Variants in CDH12 observed in about 807,000 individuals in gnomAD.
CDH12 encodes the protein cadherin-12.
Under a neutral mutation model 74.1 loss-of-function variants are expected in CDH12, and 41 were observed. That is an observed-to-expected ratio of 0.55 (90% CI 0.43 to 0.72). The LOEUF is 0.72. Ranked by LOEUF, CDH12 falls within the 30% of genes least tolerant of loss-of-function variation. The pLI is 0.00. For synonymous variants in CDH12, 399 were observed against 355.0 expected (o/e 1.12, Z -1.39); for missense variants, 945 against 977.2 (o/e 0.97, Z 0.44).
intron 1 of CDH12, among the ~76,000 whole-genome samples, chr5:22,655,648 A>G (rs1178400886): frequency 1.3e-5 from 2 of 152,208 alleles, no homozygotes; most frequent in Admixed American, 6.5e-5. Context: ...CATGATCACC[A>G]TGATCTGCCT....
chr5:22,147,599 A>C, intron 4 of CDH12, among the ~76,000 whole-genome samples: 1 of 151,946 alleles, frequency 6.6e-6, no homozygotes, highest in Non-Finnish European at 1.5e-5. Context: ...TAAAAAAAAA[A>C]AAAAAGAGGT....
intron 1 of CDH12, among the ~76,000 whole-genome samples, chr5:22,775,985 GCCA>G (rs959791015): frequency 6.6e-6 from 1 of 151,996 alleles, no homozygotes; most frequent in Non-Finnish European, 1.5e-5. Context: ...TTCTCTTGCT[GCCA>G]CCATGTAAGA....
At chr5:21,764,082 TTG>T (rs1297519643) in intron 12 of CDH12, among the ~76,000 whole-genome samples, 2 of 152,002 alleles carry the variant, frequency 1.3e-5, no homozygotes, top group Admixed American at 6.6e-5. Flanking sequence ...CTTTAGAAAT[TTG>T]TGTGTGGGGG....
intron 4 of CDH12, among the ~76,000 whole-genome samples, chr5:22,085,988 T>C (rs1029610495): frequency 1.3e-5 from 2 of 152,208 alleles, no homozygotes; most frequent in African/African-American, 4.8e-5. Flanking sequence ...GAAAACATGG[T>C]ACTTTTTGAA....
intron 1 of CDH12, among the ~76,000 whole-genome samples, chr5:22,510,894 A>C (rs1294325448): frequency 6.9e-6 from 1 of 143,974 alleles, no homozygotes; most frequent in Admixed American, 7.0e-5. Flanking sequence ...AACATATATA[A>C]TTTTTTTTTT....
chr5:22,188,995 C>T (rs1251563688), intron 4 of CDH12, among the ~76,000 whole-genome samples: 1 of 152,256 alleles, frequency 6.6e-6, no homozygotes, highest in South Asian at 2.1e-4. Flanking sequence ...CATGGAGATG[C>T]AATGCTGAAA....
At chr5:21,752,804 G>C (rs541170988) in intron 14 of CDH12, among the ~76,000 whole-genome samples, 1 of 151,914 alleles carries the variant, frequency 6.6e-6, no homozygotes, top group South Asian at 2.1e-4. Flanking sequence ...GTAGAGGAAG[G>C]AAGGAAGTAG....
intron 5 of CDH12, among the ~76,000 whole-genome samples, chr5:22,000,663 G>A (rs140735638): frequency 0.018 from 2,749 of 152,168 alleles, 41 homozygotes; most frequent in African/African-American, 0.04. Flanking sequence ...CAGCAACCAG[G>A]AGGACCTTCA....
At chr5:22,784,817 C>A (rs1344730167) in intron 1 of CDH12, among the ~76,000 whole-genome samples, 2 of 152,002 alleles carry the variant, frequency 1.3e-5, no homozygotes, top group Non-Finnish European at 2.9e-5. Flanking sequence ...GTAAAGTATA[C>A]CTTTTATGTA....
chr5:22,688,927 A>T (rs1343749556), intron 1 of CDH12, among the ~76,000 whole-genome samples: 1 of 152,170 alleles, frequency 6.6e-6, no homozygotes, highest in Non-Finnish European at 1.5e-5. Context: ...ATTAATGTTT[A>T]TTTAATAATT....
intron 6 of CDH12, among the ~76,000 whole-genome samples, chr5:21,937,730 C>T (rs1408411732): frequency 6.6e-6 from 1 of 152,166 alleles, no homozygotes. Context: ...GCTGCCCTCC[C>T]TACACTAGTG....
chr5:21,765,130 T>C (rs1744949649), intron 11 of CDH12, 31 bp from the exon 12 acceptor site: 1 of 1,479,946 alleles, frequency 6.8e-7, no homozygotes, highest in Non-Finnish European at 9.0e-7. Context: ...TAAAAGATGA[T>C]TACAAAATCC....
At chr5:22,561,359 C>G (rs971334371) in intron 1 of CDH12, among the ~76,000 whole-genome samples, 2 of 152,044 alleles carry the variant, frequency 1.3e-5, no homozygotes, top group South Asian at 4.1e-4. Context: ...ATTTTCCTTC[C>G]ATCAGGTAAG....
Position 21,751,625 on chromosome 5 carries a change from TG to T in CDH12, c.*111del. The T allele has an allele frequency of 2.8e-6, 2 of 720,668 alleles. No homozygotes were observed. Among genetic ancestry groups the T allele is most frequent in the Admixed American group, 2.6e-5 (1 of 38,420 alleles). The allele number at this position is 720,668 out of a possible 1,614,324, so 44.6% of individuals were successfully genotyped here. ...TTGTCCCAGAGTGTGTGTGTGTGTG[TG>T]TGTGTTTGTGTGTGTGTGTGTGTGT... is the stretch of plus-strand genomic sequence containing the variant. On this transcript the variant is annotated 3_prime_UTR_variant, in exon 15 of 15. Coordinates refer to ENST00000382254, the MANE Select transcript of CDH12 (RefSeq NM_004061.5).
intron 5 of CDH12, among the ~76,000 whole-genome samples, chr5:22,005,239 C>T (rs537504303): frequency 9.2e-5 from 14 of 152,210 alleles, no homozygotes; most frequent in East Asian, 3.9e-4. Context: ...GTCAAGGTTT[C>T]GCCATGTTGG....
intron 3 of CDH12, among the ~76,000 whole-genome samples, chr5:22,253,814 C>T (rs541790028): frequency 6.6e-6 from 1 of 151,832 alleles, no homozygotes; most frequent in South Asian, 2.1e-4. Flanking sequence ...TTATACTATG[C>T]TCTCTTGATG....
At chr5:22,165,930 C>T (rs1261267145) in intron 4 of CDH12, among the ~76,000 whole-genome samples, 1 of 152,162 alleles carries the variant, frequency 6.6e-6, no homozygotes, top group Non-Finnish European at 1.5e-5. Context: ...TCTGAATAAT[C>T]TACCCCTTGT....
chr5:22,171,923 T>C (rs1749053372), intron 4 of CDH12, among the ~76,000 whole-genome samples: 1 of 151,862 alleles, frequency 6.6e-6, no homozygotes, highest in Non-Finnish European at 1.5e-5. Context: ...TAAGGAAGAA[T>C]TGAGATATAA....
At chr5:22,529,066 TATATATGC>T (rs1737426203) in intron 1 of CDH12, among the ~76,000 whole-genome samples, 1 of 150,350 alleles carries the variant, frequency 6.7e-6, no homozygotes, top group Non-Finnish European at 1.5e-5. Flanking sequence ...TGTATATATG[TATATATGC>T]ATATATATGC....
Sources: gnomAD v4.1 joint callset for allele counts (sites outside exome capture counted in the v4.1 genomes callset) on GRCh38, gnomAD v4.1.1 for gene constraint, MANE v1.5 for transcripts, NCBI Gene and HGNC (gene_info 2026-07-23, HGNC 2026-07-21) for gene names.